Variants in C7orf33 observed in about 807,000 individuals in gnomAD.
The protein encoded by C7orf33 is uncharacterized protein C7orf33.
C7orf33 carries 15 observed loss-of-function variants against 13.4 expected under a neutral mutation model. The ratio of observed to expected loss-of-function variants is 1.12; its 90% CI spans 0.75 to 1.72. C7orf33 has a LOEUF of 1.72. Ranked by LOEUF, C7orf33 falls within the 40% of genes most tolerant of loss-of-function variation. The probability of loss-of-function intolerance (pLI) is 0.00; values close to 1 mark genes in which losing one functional copy is unlikely to be tolerated. For missense variants in C7orf33, 187 were observed against 220.3 expected, an observed-to-expected ratio of 0.85 and a Z score of 0.96; for synonymous variants, 73 against 83.2, an observed-to-expected ratio of 0.88 and a Z score of 0.67.
At position 148,613,451 on chromosome 7, in the gene C7orf33, G is replaced by C. The variant is rs192402698; in HGVS notation, c.205-591G>C. On this transcript the variant is annotated intron_variant, in intron 1 of 2. Coordinates refer to ENST00000307003, the MANE Select transcript of C7orf33 (RefSeq NM_145304.4). ...AATGATGAATGGATAAATAATTCGT[G>C]GTCTACCTATATAATAAACTATTAC... is the stretch of plus-strand genomic sequence containing the variant. 5.3e-3 allele frequency among the ~76,000 whole-genome samples: 800 copies of C among 152,218 alleles called. 8 individuals are homozygous for C. Among genetic ancestry groups the C allele is most frequent in the African/African-American group, 0.018 (766 of 41,526 alleles).
chr7:148,603,893 G>A (rs1796444220), intron 1 of C7orf33, among the ~76,000 whole-genome samples: 1 of 152,038 alleles, frequency 6.6e-6, no homozygotes. Flanking sequence ...GGTAGTTACT[G>A]GTATCTACCC....
chr7:148,597,917 G>A (rs749688336), intron 1 of C7orf33, among the ~76,000 whole-genome samples: 5 of 152,028 alleles, frequency 3.3e-5, no homozygotes, highest in Non-Finnish European at 7.4e-5. Context: ...CACCATGCCC[G>A]GCTAATTTTT....
chr7:148,610,511 C>G (rs1046637527), intron 1 of C7orf33, among the ~76,000 whole-genome samples: 7 of 152,164 alleles, frequency 4.6e-5, no homozygotes, highest in African/African-American at 7.2e-5. Flanking sequence ...AGCTTCCAGA[C>G]AGCCTATTGT....
chr7:148,591,085 G>A lies in C7orf33; in HGVS notation c.160G>A (p.Gly54Ser), dbSNP rs373549941. Residue 54 changes from glycine (G) to serine (S), a missense_variant, in exon 1 of 3, where the codon GGT (glycine) becomes AGT (serine). Physicochemically the swap from Gly to Ser is moderately conservative, Grantham distance 56. Coordinates refer to ENST00000307003, the MANE Select transcript of C7orf33 (RefSeq NM_145304.4). Reference protein sequence around the residue: ...AVAVWVHVRGGPGQFNLSYAT... With the variant: ...AVAVWVHVRGSPGQFNLSYAT... ...CGCTGTTTGGGTCCACGTTAGGGGC[G>A]GTCCAGGTCAATTTAACTTGTCATA... 6.2e-6 allele frequency: 10 copies of A among 1,613,352 alleles called. No homozygotes were observed. Among genetic ancestry groups the A allele is most frequent in the Non-Finnish European group, 7.6e-6 (9 of 1,179,900 alleles).
chr7:148,593,877 G>A (rs1796297815), intron 1 of C7orf33, among the ~76,000 whole-genome samples: 1 of 152,168 alleles, frequency 6.6e-6, no homozygotes, highest in Non-Finnish European at 1.5e-5. Flanking sequence ...CCTAGTGTTG[G>A]AGGTGGGGCC....
At position 148,590,911 on chromosome 7, in the gene C7orf33, ATTAC is replaced by A; in HGVS notation, c.-14_-11del. On this transcript the variant is annotated 5_prime_UTR_variant, in exon 1 of 3. Coordinates refer to ENST00000307003, the MANE Select transcript of C7orf33 (RefSeq NM_145304.4). ...TCCTTGACAGCATCCAGGAAAGGTAATTACCTTTGCCAAAATGCAAGTGGAAGTT... is the reference window on the plus strand; with the variant it reads ...TCCTTGACAGCATCCAGGAAAGGTAACTTTGCCAAAATGCAAGTGGAAGTT... 6.2e-7 allele frequency: 1 copy of A among 1,613,674 alleles called. No individual in the cohort carries two copies. The highest frequency in any genetic ancestry group is 2.2e-5 in the East Asian group (1 of 44,862).
chr7:148,603,769 T>C (rs1158955592), intron 1 of C7orf33, among the ~76,000 whole-genome samples: 1 of 152,188 alleles, frequency 6.6e-6, no homozygotes, highest in African/African-American at 2.4e-5. Flanking sequence ...GGAGAGAGCC[T>C]TCTTAAACTA....
At position 148,601,528 on chromosome 7, in the gene C7orf33, G is replaced by A. The variant is rs73480333; in HGVS notation, c.204+10399G>A. 8.8e-3 allele frequency among the ~76,000 whole-genome samples: 1,332 copies of A among 151,750 alleles called. 16 individuals carry two copies. The highest frequency in any genetic ancestry group is 0.031 in the African/African-American group (1,268 of 41,386). Reference sequence around the variant, plus strand: ...ACCTGTCTAAATTTTTGCATTTTTCGTAGAAACAGGGTCTCACCATGTTGC... The same window carrying A: ...ACCTGTCTAAATTTTTGCATTTTTCATAGAAACAGGGTCTCACCATGTTGC... On this transcript the variant is annotated intron_variant, in intron 1 of 2. Coordinates refer to ENST00000307003, the MANE Select transcript of C7orf33 (RefSeq NM_145304.4).
intron 1 of C7orf33, among the ~76,000 whole-genome samples, chr7:148,609,773 C>T (rs777976957): frequency 9.9e-5 from 15 of 152,228 alleles, no homozygotes; most frequent in Admixed American, 5.9e-4. Context: ...AGCTTTCCCT[C>T]TGATACTTGG....
chr7:148,608,983 A>G (rs1328924859), intron 1 of C7orf33, among the ~76,000 whole-genome samples: 1 of 152,170 alleles, frequency 6.6e-6, no homozygotes, highest in African/African-American at 2.4e-5. Flanking sequence ...TGCTTTGGCA[A>G]ATATTGTTGC....
At position 148,614,072 on chromosome 7, in the gene C7orf33, G is replaced by A. The variant is rs1231491901; in HGVS notation, c.235G>A (p.Gly79Arg). 1.2e-6 allele frequency: 2 copies of A among 1,613,982 alleles called. No individual in the cohort carries two copies. Among genetic ancestry groups the A allele is most frequent in the African/African-American group, 2.7e-5 (2 of 74,924 alleles). ...KPNPHQNMNR[G>R]MEFIAPVSAP... ...AAACCCACACCAAAACATGAACCGGGGGATGGAATTTATTGCTCCTGTATC... is the reference window on the plus strand; with the variant it reads ...AAACCCACACCAAAACATGAACCGGAGGATGGAATTTATTGCTCCTGTATC... Residue 79 changes from glycine to arginine, a missense_variant, in exon 2 of 3, where the codon GGG (glycine) becomes AGG (arginine). Gly to Arg is a moderately radical substitution (Grantham distance 125). Transcript: ENST00000307003.
At chr7:148,594,179 T>TC (rs1401845971) in intron 1 of C7orf33, among the ~76,000 whole-genome samples, 1 of 150,028 alleles carries the variant, frequency 6.7e-6, no homozygotes, top group East Asian at 1.9e-4. Context: ...TTCTTTTTTT[T>TC]TTTTTTTTTT....
At chr7:148,599,721 C>T (rs1429767934) in intron 1 of C7orf33, among the ~76,000 whole-genome samples, 3 of 152,128 alleles carry the variant, frequency 2.0e-5, no homozygotes, top group Non-Finnish European at 4.4e-5. Context: ...GATCCACCCA[C>T]CTCGGCCTCC....
chr7:148,593,458 T>C (rs13438728), intron 1 of C7orf33, among the ~76,000 whole-genome samples: 9,147 of 151,758 alleles, frequency 0.06, 908 homozygotes, highest in African/African-American at 0.21. Flanking sequence ...AGAGTCGAGG[T>C]TTCACCATGT....
intron 1 of C7orf33, among the ~76,000 whole-genome samples, chr7:148,612,369 A>C (rs1363123435): frequency 1.1e-4 from 17 of 152,232 alleles, no homozygotes; most frequent in African/African-American, 3.9e-4. Context: ...AAATGTTGGA[A>C]CTATACAAAT....
At chr7:148,615,241 G>A (rs60416513) in intron 2 of C7orf33, 86 bp from the exon 3 acceptor site, 14 of 909,118 alleles carry the variant, frequency 1.5e-5, no homozygotes. Flanking sequence ...GCCAGGCTGA[G>A]ACAGTGTTTT....
chr7:148,614,537 T>A (rs1014228039), intron 2 of C7orf33, among the ~76,000 whole-genome samples: 1 of 152,236 alleles, frequency 6.6e-6, no homozygotes, highest in Non-Finnish European at 1.5e-5. Context: ...CTCCCTTGTA[T>A]TAATGATAAC....
At chr7:148,600,243 C>G (rs371730224) in intron 1 of C7orf33, among the ~76,000 whole-genome samples, 1 of 152,110 alleles carries the variant, frequency 6.6e-6, no homozygotes, top group Non-Finnish European at 1.5e-5. Flanking sequence ...CCAAGGTGGG[C>G]AGATCACTTG....
At chr7:148,609,587 G>A (rs903231057) in intron 1 of C7orf33, among the ~76,000 whole-genome samples, 3 of 152,182 alleles carry the variant, frequency 2.0e-5, no homozygotes, top group African/African-American at 7.2e-5. Context: ...TAGGTGTAAA[G>A]TGGCTGCCAA....
Sources: gnomAD v4.1 joint callset for allele counts (sites outside exome capture counted in the v4.1 genomes callset) on GRCh38, gnomAD v4.1.1 for gene constraint, MANE v1.5 for transcripts, NCBI Gene and HGNC (gene_info 2026-07-23, HGNC 2026-07-21) for gene names.